The following SUFU variants were observed in gnomAD, a reference collection of about 807,000 sequenced individuals.
SUFU encodes SUFU negative regulator of hedgehog signaling.
In SUFU, 7 loss-of-function variants were observed where a neutral mutation model predicts 58.9. The observed-to-expected ratio is 0.12, with a 90% CI of 0.07 to 0.22. SUFU has a LOEUF of 0.22. SUFU is among the 10% of genes least tolerant of loss of function. The pLI, the probability that SUFU is intolerant of heterozygous loss-of-function variation, is 1.00. For synonymous variants in SUFU, 232 were observed against 254.8 expected, an observed-to-expected ratio of 0.91 and a Z score of 0.85; for missense variants, 451 against 641.3, an observed-to-expected ratio of 0.70 and a Z score of 3.20.
chr10:102,514,134 G>A (rs986471584), intron 2 of SUFU, among the ~76,000 whole-genome samples: 15 of 152,016 alleles, frequency 9.9e-5, no homozygotes, highest in South Asian at 6.2e-4. Context: ...CAATCCTCCT[G>A]CCTTGGCCTC....
intron 3 of SUFU, chr10:102,591,692 T>A (rs1337146586): frequency 6.6e-6 from 1 of 152,092 alleles, no homozygotes; most frequent in East Asian, 1.9e-4. Context: ...TGTGCTTCCA[T>A]TTGTGTAAGG....
intron 8 of SUFU, among the ~76,000 whole-genome samples, chr10:102,604,226 C>G (rs1364177255): frequency 6.6e-6 from 1 of 152,240 alleles, no homozygotes; most frequent in African/African-American, 2.4e-5. Flanking sequence ...ATGAGAGGAA[C>G]AGCCCAGGCC....
upstream of SUFU, among the ~76,000 whole-genome samples, chr10:102,503,831 AG>A (rs765510860): frequency 6.6e-6 from 1 of 152,134 alleles, no homozygotes; most frequent in Non-Finnish European, 1.5e-5. Flanking sequence ...CTCCCAACAC[AG>A]GGAGGGGAGG....
intron 3 of SUFU, among the ~76,000 whole-genome samples, chr10:102,578,090 G>A (rs1274812040): frequency 8.0e-5 from 11 of 137,560 alleles, no homozygotes; most frequent in East Asian, 4.6e-4. Context: ...GGTGAATCAC[G>A]AGGTCAGGAG....
In SUFU at chr10:102,631,833, A is replaced by AT. The variant is rs1337785575; in HGVS notation, c.*1679dup. On this transcript the variant is annotated 3_prime_UTR_variant, in exon 12 of 12. Coordinates refer to ENST00000369902, the MANE Select transcript of SUFU (RefSeq NM_016169.4). ...TCCATCAAGCTCAGAGTTAAAAGGC[A>AT]TATCAGCCTGGAGTATTTGGGAGAG... 6 of 233,228 alleles carry AT rather than the reference A, an allele frequency of 2.6e-5. No homozygotes were observed. The highest frequency in any genetic ancestry group is 5.1e-5 in the Non-Finnish European group (6 of 118,120). The allele number at this position is 233,228 out of a possible 1,614,324, so 14.4% of individuals were successfully genotyped here. A position where few individuals can be genotyped will look rare whatever the true frequency, so the allele number is the denominator to read the frequency against.
chr10:102,547,667 TA>T (rs1360973733), intron 2 of SUFU, among the ~76,000 whole-genome samples: 12 of 152,154 alleles, frequency 7.9e-5, no homozygotes, highest in Non-Finnish European at 1.8e-4. Flanking sequence ...ACAAAAGTTT[TA>T]AAAATTAGCT....
At chr10:102,565,177 T>TAGGG (rs2063074672) in intron 3 of SUFU, among the ~76,000 whole-genome samples, 1 of 152,224 alleles carries the variant, frequency 6.6e-6, no homozygotes, top group Non-Finnish European at 1.5e-5. Flanking sequence ...TGGAGTTGAC[T>TAGGG]AGTTGTAACA....
intron 2 of SUFU, among the ~76,000 whole-genome samples, chr10:102,524,294 C>T (rs923642180): frequency 8.6e-5 from 13 of 151,482 alleles, no homozygotes; most frequent in South Asian, 2.1e-4. Context: ...CATGAGCCAC[C>T]GCACCCAGCC....
At chr10:102,543,737 G>A (rs2062826329) in intron 2 of SUFU, among the ~76,000 whole-genome samples, 1 of 152,170 alleles carries the variant, frequency 6.6e-6, no homozygotes, top group East Asian at 1.9e-4. Context: ...ACAACATATG[G>A]TCTTTTGTGA....
intron 3 of SUFU, among the ~76,000 whole-genome samples, chr10:102,573,715 A>G (rs1171981660): frequency 6.6e-6 from 1 of 152,226 alleles, no homozygotes; most frequent in Non-Finnish European, 1.5e-5. Context: ...ATGGCAAGTG[A>G]AATAAGCCAG....
Position 102,628,087 on chromosome 10 carries a change from G to T in SUFU, c.1365+844G>T, listed in dbSNP as rs2063802423. Among the ~76,000 whole-genome samples the T allele has an allele frequency of 6.6e-6, 1 of 152,264 alleles. No individual in the cohort carries two copies. Among genetic ancestry groups the T allele is most frequent in the Admixed American group, 6.5e-5 (1 of 15,306 alleles). ...GGCAGACCCTTCCCTTGTCCTGTCT[G>T]CCAGGAAATGTGCTTGGGGGAGAAC... On this transcript the variant is annotated intron_variant, in intron 11 of 11. Coordinates refer to ENST00000369902, the MANE Select transcript of SUFU (RefSeq NM_016169.4). This position sits in a 1 kb window ranked among gnomAD's most constrained non-coding sequence, Gnocchi z 4.5.
At position 102,632,979 on chromosome 10, in the gene SUFU, C is replaced by T. The variant is rs937066891; in HGVS notation, c.*2824C>T. Reference sequence around the variant, plus strand: ...ATCTTTCTCTTCCAAGGGCAGTGCTCCAAGGCAGGGACTGGAGAAGCCAAG... The same window carrying T: ...ATCTTTCTCTTCCAAGGGCAGTGCTTCAAGGCAGGGACTGGAGAAGCCAAG... On this transcript the variant is annotated 3_prime_UTR_variant, in exon 12 of 12. Transcript: ENST00000369902. 4.3e-6 allele frequency: 1 copy of T among 233,272 alleles called. No homozygotes were observed. The highest frequency in any genetic ancestry group is 5.6e-5 in the Admixed American group (1 of 17,772). 14.5% of individuals were successfully genotyped at this position (233,272 alleles called of 1,614,324 possible).
At chr10:102,505,009 A>G (rs540793857) in intron 1 of SUFU, among the ~76,000 whole-genome samples, 1 of 152,330 alleles carries the variant, frequency 6.6e-6, no homozygotes, top group African/African-American at 2.4e-5. Context: ...TTCTCCGTGC[A>G]GAGCTTCCTC....
intron 2 of SUFU, among the ~76,000 whole-genome samples, chr10:102,523,597 C>T (rs941815448): frequency 6.6e-6 from 1 of 152,246 alleles, no homozygotes; most frequent in Non-Finnish European, 1.5e-5. Context: ...CTAACCCTCT[C>T]GTCTTCCTGT....
intron 2 of SUFU, among the ~76,000 whole-genome samples, chr10:102,548,872 C>A (rs2062880558): frequency 6.6e-6 from 1 of 152,150 alleles, no homozygotes; most frequent in African/African-American, 2.4e-5. Context: ...GAATTGTGGC[C>A]ACAGAAGCAG....
At chr10:102,536,127 C>T (rs1193001455) in intron 2 of SUFU, among the ~76,000 whole-genome samples, 1 of 151,942 alleles carries the variant, frequency 6.6e-6, no homozygotes, top group Non-Finnish European at 1.5e-5. Flanking sequence ...CACCAACACA[C>T]CCGGTAATTT....
intron 3 of SUFU, among the ~76,000 whole-genome samples, chr10:102,563,241 T>TGTCAA (rs2063056649): frequency 6.6e-6 from 1 of 152,144 alleles, no homozygotes; most frequent in Admixed American, 6.6e-5. Context: ...AAATGCTAGG[T>TGTCAA]AAGCTGTGTG....
chr10:102,537,894 T>G (rs1218280853), intron 2 of SUFU, among the ~76,000 whole-genome samples: 1 of 152,226 alleles, frequency 6.6e-6, no homozygotes, highest in Non-Finnish European at 1.5e-5. Flanking sequence ...GACCCTGCTT[T>G]CAGTTCTTTT....
rs969546427 is a variant in SUFU at position 102,630,720 on chromosome 10, A to G, written c.*565A>G. Reference sequence around the variant, plus strand: ...GCAAAGATGTCCAGAAGCCATGTATATAATGTTTTTTAAACAGAACTTCAT... The same window carrying G: ...GCAAAGATGTCCAGAAGCCATGTATGTAATGTTTTTTAAACAGAACTTCAT... On this transcript the variant is annotated 3_prime_UTR_variant, in exon 12 of 12. Coordinates refer to ENST00000369902, the MANE Select transcript of SUFU (RefSeq NM_016169.4). The G allele has an allele frequency of 1.9e-5, 5 of 267,026 alleles. 1 individual carries two copies. The highest frequency in any genetic ancestry group is 1.5e-5 in the Non-Finnish European group (2 of 137,302). 16.5% of individuals were successfully genotyped at this position (267,026 alleles called of 1,614,324 possible).
Sources: gnomAD v4.1 joint callset for allele counts (sites outside exome capture counted in the v4.1 genomes callset) on GRCh38, gnomAD v4.1.1 for gene constraint, Gnocchi (gnomAD v3.1) non-coding constraint, MANE v1.5 for transcripts, NCBI Gene and HGNC (gene_info 2026-07-23, HGNC 2026-07-21) for gene names.